The following PCDHA10 variants were observed in gnomAD, a reference collection of about 807,000 sequenced individuals.
PCDHA10 encodes the protein protocadherin alpha-10.
PCDHA10 carries 45 observed loss-of-function variants against 61.2 expected under a neutral mutation model. The observed-to-expected ratio is 0.74, with a 90% confidence interval of 0.58 to 0.94. The LOEUF (loss-of-function observed/expected upper bound fraction) is 0.94. Among genes scored for constraint, PCDHA10 ranks in the 40% least tolerant of loss-of-function variants. PCDHA10 has a pLI of 0.00. For missense variants in PCDHA10, 1,278 were observed against 1,236.2 expected (o/e 1.03, Z -0.51); for synonymous variants, 602 against 548.8 (o/e 1.10, Z -1.35).
At chr5:140,957,473 GA>G (rs1446179332) in intron 1 of PCDHA10, among the ~76,000 whole-genome samples, 1 of 151,954 alleles carries the variant, frequency 6.6e-6, no homozygotes, top group Non-Finnish European at 1.5e-5. Context: ...GTATGTATAG[GA>G]AAAAACATAG....
intron 1 of PCDHA10, among the ~76,000 whole-genome samples, chr5:140,909,299 T>G (rs561949225): frequency 6.6e-6 from 1 of 152,320 alleles, no homozygotes; most frequent in Non-Finnish European, 1.5e-5. Flanking sequence ...TGGACAGGAA[T>G]GGAGAAAAAG....
chr5:140,877,138 C>T (rs2056878695), intron 1 of PCDHA10: 2 of 1,613,636 alleles, frequency 1.2e-6, no homozygotes, highest in Non-Finnish European at 1.7e-6. Flanking sequence ...GGTGTTCGTG[C>T]TGGACGAGAA....
At chr5:140,861,646 T>C in intron 1 of PCDHA10, 1 of 291,698 alleles carries the variant, frequency 3.4e-6, no homozygotes, top group Non-Finnish European at 6.9e-6. Context: ...CAAAAGAATC[T>C]GTTTCTGAAA....
intron 1 of PCDHA10, among the ~76,000 whole-genome samples, chr5:140,954,107 C>G (rs1375819333): frequency 2.0e-5 from 3 of 152,182 alleles, no homozygotes; most frequent in Admixed American, 1.3e-4. Flanking sequence ...CTGCAAAGGA[C>G]AAGATCTTGT....
At chr5:140,892,537 CTT>C (rs570429050) in intron 1 of PCDHA10, among the ~76,000 whole-genome samples, 2 of 152,252 alleles carry the variant, frequency 1.3e-5, no homozygotes, top group South Asian at 4.1e-4. Flanking sequence ...AGGATTCTGA[CTT>C]TTGTTTCTCT....
At chr5:140,882,252 G>A in intron 1 of PCDHA10, 1 of 1,597,600 alleles carries the variant, frequency 6.3e-7, no homozygotes, top group Non-Finnish European at 8.5e-7. Context: ...ATAGCTCTGA[G>A]GTTTTTGGAG....
chr5:140,993,001 TC>T (rs1554253322), intron 3 of PCDHA10, among the ~76,000 whole-genome samples: 4 of 152,124 alleles, frequency 2.6e-5, no homozygotes, highest in Admixed American at 2.6e-4. Context: ...TGAAAGAGCC[TC>T]CCCAGAGTCC....
chr5:140,944,301 C>T (rs1320988632), intron 1 of PCDHA10, among the ~76,000 whole-genome samples: 1 of 152,176 alleles, frequency 6.6e-6, no homozygotes, highest in Non-Finnish European at 1.5e-5. Flanking sequence ...GATCCTCCTA[C>T]CTCAGCCTCC....
chr5:140,957,257 T>C (rs2095345219), intron 1 of PCDHA10, among the ~76,000 whole-genome samples: 1 of 152,184 alleles, frequency 6.6e-6, no homozygotes, highest in Admixed American at 6.5e-5. Context: ...AATTTAAATA[T>C]GTAAGCACTA....
At chr5:140,871,112 A>G (rs1554165130) in intron 1 of PCDHA10, 2 of 1,613,290 alleles carry the variant, frequency 1.2e-6, no homozygotes, top group Non-Finnish European at 1.7e-6. Context: ...TCGTTGGTGG[A>G]GAGCGGACAG....
intron 1 of PCDHA10, chr5:140,871,672 T>C (rs2053253410): frequency 2.6e-6 from 3 of 1,153,066 alleles, no homozygotes; most frequent in Non-Finnish European, 3.6e-6. Flanking sequence ...AGTCTTTTAA[T>C]CATATGAATA....
At chr5:140,911,151 G>A (rs2075350899) in intron 1 of PCDHA10, among the ~76,000 whole-genome samples, 1 of 152,174 alleles carries the variant, frequency 6.6e-6, no homozygotes, top group South Asian at 2.1e-4. Context: ...TTTCTCCTCA[G>A]ACAAATGTGG....
At chr5:140,867,891 G>A (rs1468636250) in intron 1 of PCDHA10, 1 of 152,016 alleles carries the variant, frequency 6.6e-6, no homozygotes, top group Non-Finnish European at 1.5e-5. Flanking sequence ...CACAATATCA[G>A]GTACTTACAG....
Position 140,927,198 on chromosome 5 carries a change from G to T in PCDHA10, c.2389-51751G>T. On this transcript the variant is annotated intron_variant, in intron 1 of 3. Transcript: ENST00000307360. ...TCTTGACCTACGACCTGGTGCTCGA[G>T]GACCCGCTGGAGCTGCACAAGATTC... 3 of 1,614,162 alleles carry T rather than the reference G, an allele frequency of 1.9e-6. No homozygotes were observed. In the South Asian group the frequency reaches 3.3e-5, roughly 18 times the overall value.
Position 140,946,611 on chromosome 5 carries a change from AAT to A in PCDHA10, c.2389-32318_2389-32317del, listed in dbSNP as rs1554217734. On this transcript the variant is annotated intron_variant, in intron 1 of 3. Coordinates refer to ENST00000307360, the MANE Select transcript of PCDHA10 (RefSeq NM_018901.4). ...GGATGAATAGATAAAGAAAATGTGA[AAT>A]ATATATATATATATATATACAATGG... is the stretch of plus-strand genomic sequence containing the variant. 5.8e-3 allele frequency among the ~76,000 whole-genome samples: 503 copies of A among 86,618 alleles called. 18 individuals are homozygous for A. The highest frequency in any genetic ancestry group is 0.022 in the Middle Eastern group (4 of 186). The allele number at this position is 86,618 out of a possible 152,430, so 56.8% of individuals were successfully genotyped here. A position where few individuals can be genotyped will look rare whatever the true frequency, so the allele number is the denominator to read the frequency against.
Position 140,856,423 on chromosome 5 carries a change from T to C in PCDHA10, c.375T>C (p.Ile125=), listed in dbSNP as rs1266159746. 5 of 1,598,178 alleles carry C rather than the reference T, an allele frequency of 3.1e-6. 1 individual carries two copies. In the African/African-American group the frequency reaches 4.0e-5, roughly 13 times the overall value. The change falls in exon 1 of 4, where the codon ATT becomes ATC. Residue 125 remains isoleucine, a synonymous_variant. Transcript: ENST00000307360. ...ATGTGGACGTGGAAGTGAAGGACAT[T>C]AACGACAACCCGCCCAGGTTCTCCG... The part of the protein sequence containing the change: ...VFHVDVEVKD[I]NDNPPRFSVT...
intron 1 of PCDHA10, chr5:140,869,097 G>A (rs1344358126): frequency 2.5e-6 from 4 of 1,595,318 alleles, no homozygotes; most frequent in Non-Finnish European, 2.6e-6. Flanking sequence ...AGCCAATTTC[G>A]TATGCGATGT....
intron 1 of PCDHA10, among the ~76,000 whole-genome samples, chr5:140,941,191 T>TTTCTTTCTTCCTTTCTTCCTTTC (rs1487503403): frequency 1.1e-5 from 1 of 93,258 alleles, no homozygotes; most frequent in African/African-American, 3.9e-5. Flanking sequence ...GCTTCTTTTT[T>TTTCTTTCTTCCTTTCTTCCTTTC]TTTCTTTCTT....
intron 1 of PCDHA10, chr5:140,867,464 C>A (rs1358869562): frequency 6.6e-6 from 1 of 151,874 alleles, no homozygotes; most frequent in Non-Finnish European, 1.5e-5. Context: ...AGTGTTATGA[C>A]AACATTGGGA....
Sources: allele counts gnomAD v4.1 joint callset (sites outside exome capture counted in the v4.1 genomes callset), GRCh38; gene constraint gnomAD v4.1.1; transcripts MANE v1.5; gene names NCBI Gene and HGNC (gene_info 2026-07-23, HGNC 2026-07-21).